DNAH7: variants seen among roughly 807,000 people sequenced by gnomAD.
DNAH7 encodes the protein axonemal beta dynein heavy chain 7.
A neutral mutation model predicts 444.6 loss-of-function variants in DNAH7; 397 were observed. The observed-to-expected ratio is 0.89, with a 90% confidence interval of 0.82 to 0.97. The LOEUF is 0.97. Ranked by LOEUF, DNAH7 falls within the 50% of genes least tolerant of loss-of-function variation. The pLI is 0.00. For synonymous variants in DNAH7, 1,636 were observed against 1,624.4 expected, an observed-to-expected ratio of 1.01 and a Z score of -0.17; for missense variants, 4,902 against 4,800.8, an observed-to-expected ratio of 1.02 and a Z score of -0.62.
intron 14 of DNAH7, 151 bp from the exon 15 acceptor site, chr2:195,984,861 T>C (rs953814244): frequency 1.5e-6 from 1 of 658,750 alleles, no homozygotes; most frequent in East Asian, 2.8e-5. Context: ...CAAATTTGCA[T>C]ACATTTACTT....
chr2:195,923,006 C>T (rs1688119478), intron 23 of DNAH7, among the ~76,000 whole-genome samples: 2 of 152,066 alleles, frequency 1.3e-5, no homozygotes, highest in Admixed American at 1.3e-4. Context: ...GGGCTACAAG[C>T]ACGCCCCACC....
intron 12 of DNAH7, among the ~76,000 whole-genome samples, chr2:195,989,873 A>G (rs1189857407): frequency 6.6e-6 from 1 of 152,182 alleles, no homozygotes; most frequent in African/African-American, 2.4e-5. Context: ...GCCTCCCCAG[A>G]AGCAGATGCA....
intron 8 of DNAH7, among the ~76,000 whole-genome samples, chr2:196,020,587 G>T (rs552464989): frequency 2.1e-4 from 32 of 151,054 alleles, no homozygotes; most frequent in African/African-American, 7.5e-4. Context: ...TGTGTGTGTG[G>T]AATGGGGAAT....
chr2:195,810,257 CTA>C (rs1458850440), intron 51 of DNAH7, among the ~76,000 whole-genome samples: 1 of 151,954 alleles, frequency 6.6e-6, no homozygotes, highest in Non-Finnish European at 1.5e-5. Context: ...AATGAATAGT[CTA>C]AAATTAGTAG....
chr2:196,067,879 T>C (rs1356247643), intron 1 of DNAH7, among the ~76,000 whole-genome samples: 1 of 152,228 alleles, frequency 6.6e-6, no homozygotes, highest in African/African-American at 2.4e-5. Flanking sequence ...CATCACTACG[T>C]AGAAAGCTAG....
chr2:195,787,657 G>C (rs758719862), intron 57 of DNAH7, among the ~76,000 whole-genome samples: 3 of 152,154 alleles, frequency 2.0e-5, no homozygotes, highest in Non-Finnish European at 4.4e-5. Flanking sequence ...TGTTATGCTG[G>C]GAGTCCCCTT....
chr2:195,949,478 T>A (rs1690065495), intron 19 of DNAH7, among the ~76,000 whole-genome samples: 1 of 152,138 alleles, frequency 6.6e-6, no homozygotes, highest in Non-Finnish European at 1.5e-5. Flanking sequence ...GAGATGGAGT[T>A]TCACCTTGTT....
chr2:195,879,963 AT>A (rs919618670), intron 36 of DNAH7, among the ~76,000 whole-genome samples: 17 of 151,590 alleles, frequency 1.1e-4, no homozygotes, highest in African/African-American at 3.9e-4. Flanking sequence ...TCTTCAGTTA[AT>A]TTTTTTTTGT....
chr2:196,039,787 T>C (rs568476501), intron 5 of DNAH7, among the ~76,000 whole-genome samples: 1 of 120,700 alleles, frequency 8.3e-6, no homozygotes, highest in African/African-American at 3.5e-5. Flanking sequence ...AGATTCTGCC[T>C]CAAAAAAAAA....
chr2:195,892,014 A>G (rs1281218991), intron 30 of DNAH7, among the ~76,000 whole-genome samples: 2 of 152,196 alleles, frequency 1.3e-5, no homozygotes, highest in Non-Finnish European at 2.9e-5. Flanking sequence ...AATAAAATTT[A>G]AAAAGTATTC....
chr2:195,852,503 C>A (rs1463449552), intron 46 of DNAH7, among the ~76,000 whole-genome samples: 2 of 151,794 alleles, frequency 1.3e-5, no homozygotes, highest in Non-Finnish European at 2.9e-5. Flanking sequence ...CCCATTTTTT[C>A]TTTTAGTTAT....
intron 64 of DNAH7, 143 bp downstream of exon 64, chr2:195,740,615 GTATATATA>G (rs1238331047): frequency 0.042 from 3,018 of 71,202 alleles, 42 homozygotes; most frequent in East Asian, 0.091. Context: ...GTGTGTGTGT[GTATATATA>G]TATATATATA....
At chr2:195,930,869 T>C (rs10179501) in intron 21 of DNAH7, among the ~76,000 whole-genome samples, 8,709 of 152,210 alleles carry the variant, frequency 0.057, 409 homozygotes, top group African/African-American at 0.14. Context: ...TTATGTTCTT[T>C]GCAGCAACAT....
chr2:195,749,250 G>A (rs573946647), intron 63 of DNAH7, among the ~76,000 whole-genome samples: 322 of 152,174 alleles, frequency 2.1e-3, no homozygotes, highest in African/African-American at 7.1e-3. Context: ...ATCACTGGCC[G>A]TCAGAGAAAT....
intron 34 of DNAH7, 48 bp from the exon 35 acceptor site, chr2:195,884,857 A>C (rs766658444): frequency 1.3e-6 from 2 of 1,496,360 alleles, no homozygotes; most frequent in East Asian, 4.6e-5. Context: ...GAATAATTTT[A>C]ATCTGTCCTT....
chr2:196,038,113 T>C (rs1187125227), intron 5 of DNAH7, among the ~76,000 whole-genome samples: 1 of 151,398 alleles, frequency 6.6e-6, no homozygotes, highest in Admixed American at 6.6e-5. Context: ...ATATTCAAAG[T>C]GCTAAAAGAA....
intron 58 of DNAH7, among the ~76,000 whole-genome samples, chr2:195,780,764 A>G (rs1189877826): frequency 1.3e-5 from 2 of 151,868 alleles, no homozygotes; most frequent in African/African-American, 2.4e-5. Flanking sequence ...ATATATATAT[A>G]TATCTCAAAA....
chr2:195,972,555 C>T (rs1691919268), intron 15 of DNAH7, 89 bp from the exon 16 acceptor site: 1 of 960,888 alleles, frequency 1.0e-6, no homozygotes, highest in Non-Finnish European at 1.6e-6. Context: ...TAACTATGCA[C>T]AGACTTATTA....
rs145787949 is a variant in DNAH7, at chr2:196,037,305, G to A, written c.399-9258C>T. ...GGAAGAAGTGACAGTTATAACAGAT[G>A]CACAGATATCAACATAAGGACAACA... On this transcript the variant is annotated intron_variant, in intron 5 of 64. Transcript: ENST00000312428. 3.0e-3 allele frequency among the ~76,000 whole-genome samples: 460 copies of A among 152,008 alleles called. 3 individuals carry two copies. Among genetic ancestry groups the A allele is most frequent in the African/African-American group, 0.011 (441 of 41,438 alleles).
Sources: allele counts gnomAD v4.1 joint callset (sites outside exome capture counted in the v4.1 genomes callset), GRCh38; gene constraint gnomAD v4.1.1; transcripts MANE v1.5; gene names NCBI Gene and HGNC (gene_info 2026-07-23, HGNC 2026-07-21).